SPTBN5: variants seen among roughly 807,000 people sequenced by gnomAD.
SPTBN5 encodes the protein spectrin beta, non-erythrocytic 5, also known as spectrin beta chain, non-erythrocytic 5.
In SPTBN5, 513 loss-of-function variants were observed where a neutral mutation model predicts 477.6. The ratio of observed to expected loss-of-function variants is 1.07; its 90% confidence interval spans 1.00 to 1.16. SPTBN5 has a LOEUF of 1.16. Ranked by LOEUF, SPTBN5 falls within the 50% of genes most tolerant of loss-of-function variation. The pLI, the probability that SPTBN5 is intolerant of heterozygous loss-of-function variation, is 0.00. For missense variants in SPTBN5, 5,062 were observed against 4,731.8 expected (o/e 1.07, Z -2.05); for synonymous variants, 2,169 against 2,011.7 (o/e 1.08, Z -2.09).
Position 41,848,365 on chromosome 15 carries a change from T to C in SPTBN5, c.*251A>G, listed in dbSNP as rs1033907138. On this transcript the variant is annotated 3_prime_UTR_variant, in exon 68 of 68. Coordinates refer to ENST00000320955, the MANE Select transcript of SPTBN5 (RefSeq NM_016642.4). ...TGGGGTAGCCCTGGCCTTGCCCACC[T>C]GCTCTGCCGTAACACGTCTCCTCTT... 4 of 581,968 alleles carry C rather than the reference T, an allele frequency of 6.9e-6. No homozygotes were observed. Among genetic ancestry groups the C allele is most frequent in the South Asian group, 2.0e-5 (1 of 50,328 alleles). 36.1% of individuals were successfully genotyped at this position (581,968 alleles called of 1,614,324 possible). A position where few individuals can be genotyped will look rare whatever the true frequency, so the allele number is the denominator to read the frequency against.
intron 26 of SPTBN5, among the ~76,000 whole-genome samples, chr15:41,872,815 G>GT (rs2066592827): frequency 6.6e-6 from 1 of 152,222 alleles, no homozygotes; most frequent in South Asian, 2.1e-4. Flanking sequence ...AAGCTGTCCA[G>GT]TATAGCCGGG....
intron 27 of SPTBN5, 48 bp from the exon 28 acceptor site, chr15:41,871,965 TG>T: frequency 6.8e-7 from 1 of 1,477,468 alleles, no homozygotes; most frequent in Non-Finnish European, 9.0e-7. Context: ...CCCACCCCCC[TG>T]GGGGCCAGTC....
rs1385846910 is a variant in SPTBN5, at chr15:41,851,144, C to A, written c.10750G>T (p.Ala3584Ser). 2 of 1,613,048 alleles carry A rather than the reference C, an allele frequency of 1.2e-6. No individual in the cohort carries two copies. The highest frequency in any genetic ancestry group is 2.2e-5 in the South Asian group (2 of 90,930). Residue 3584 changes from alanine (A) to serine (S), a missense_variant, in exon 65 of 68, where the codon GCT (alanine) becomes TCT (serine). Coordinates refer to ENST00000320955, the MANE Select transcript of SPTBN5 (RefSeq NM_016642.4). ...LDERMAAEKV[A>S]SIALLDLTGA... ...GTGAGGTCAAGGAGGGCTATGGAAG[C>A]TACTTTCTGAGGAGAGATGAGAGGC...
intron 43 of SPTBN5, 42 bp from the exon 44 acceptor site, chr15:41,862,334 C>A: frequency 6.4e-7 from 1 of 1,556,548 alleles, no homozygotes. Flanking sequence ...GCCTTCAAAC[C>A]CCTCTCCCCC....
rs61750839 is a variant in SPTBN5, at chr15:41,870,269, G to A, written c.5647C>T (p.Arg1883Ter). Residue 1883 changes from arginine (R) to a stop codon, truncating the protein, a stop_gained, in exon 31 of 68, where the codon CGA (arginine) becomes TGA (stop). Transcript: ENST00000320955. LOFTEE classifies it high-confidence loss of function. ...AQLRSHQGLE[R>*]ELVGTERQLQ... ...TGCCGCTCGGTGCCCACGAGTTCTCGCTCCAGCCCCTGGTGGCTTCTCAGC... is the reference window on the plus strand; with the variant it reads ...TGCCGCTCGGTGCCCACGAGTTCTCACTCCAGCCCCTGGTGGCTTCTCAGC... 55,217 of 1,551,764 alleles carry A rather than the reference G, an allele frequency of 0.036. 1,239 individuals are homozygous for A. The highest frequency in any genetic ancestry group is 0.039 in the Non-Finnish European group (44,614 of 1,147,928).
Position 41,878,612 on chromosome 15 carries a change from T to G in SPTBN5, c.3200A>C (p.Tyr1067Ser). ...SVVVKVEEPG[Y>S]AESQPLQGQV... ...TCCTTGCAGAGGCTGGCTCTCTGCGTAGCCTGGCTCCTCGACCCTGGGAGA... is the reference window on the plus strand; with the variant it reads ...TCCTTGCAGAGGCTGGCTCTCTGCGGAGCCTGGCTCCTCGACCCTGGGAGA... The change falls in exon 17 of 68, where the codon TAC becomes TCC. Residue 1067 changes from tyrosine to serine, a missense_variant. Tyr to Ser is a moderately radical substitution (Grantham distance 144). Coordinates refer to ENST00000320955, the MANE Select transcript of SPTBN5 (RefSeq NM_016642.4). 1 of 1,611,410 alleles carries G rather than the reference T, an allele frequency of 6.2e-7. No homozygotes were observed. Among genetic ancestry groups the G allele is most frequent in the Non-Finnish European group, 8.5e-7 (1 of 1,179,024 alleles).
In SPTBN5 at chr15:41,870,364, G is replaced by A. The variant is rs1247767155; in HGVS notation, c.5563-11C>T. On this transcript the variant is annotated splice_polypyrimidine_tract_variant and intron_variant, in intron 30 of 67. Transcript: ENST00000320955. ...GCTCGTGGCTTTCTCCTGAGGAAGG[G>A]AGAATGCCGAGGAGATGAGGGATGG... 10 of 1,586,048 alleles carry A rather than the reference G, an allele frequency of 6.3e-6. No individual in the cohort carries two copies. Among genetic ancestry groups the A allele is most frequent in the Non-Finnish European group, 8.6e-7 (1 of 1,166,386 alleles).
Position 41,856,559 on chromosome 15 carries a change from G to A in SPTBN5, c.8848C>T (p.Arg2950Trp), listed in dbSNP as rs575437194. The A allele has an allele frequency of 3.4e-5, 55 of 1,599,974 alleles. No individual in the cohort carries two copies. The Admixed American group carries it at 3.7e-4, about 11-fold the overall frequency. Residue 2950 changes from arginine (R) to tryptophan (W), a missense_variant, in exon 53 of 68, where the codon CGG (arginine) becomes TGG (tryptophan). Physicochemically the swap from Arg to Trp is moderately radical, Grantham distance 101 (BLOSUM62 -3). Coordinates refer to ENST00000320955, the MANE Select transcript of SPTBN5 (RefSeq NM_016642.4). Reference sequence around the variant, plus strand: ...TTGTACCCAGTGCCCAGCACCACCCGGGTCAGAGCCTCGTGGCTGCTCATC... The same window carrying A: ...TTGTACCCAGTGCCCAGCACCACCCAGGTCAGAGCCTCGTGGCTGCTCATC... Reference protein sequence around the residue: ...SEMSSHEALTRVVLGTGYKLV... With the variant: ...SEMSSHEALTWVVLGTGYKLV...
In SPTBN5 at chr15:41,882,019, G is replaced by A. The variant is rs1256011537; in HGVS notation, c.2374C>T (p.Arg792Cys). 21 of 1,539,980 alleles carry A rather than the reference G, an allele frequency of 1.4e-5. No individual in the cohort carries two copies. The highest frequency in any genetic ancestry group is 1.8e-5 in the Non-Finnish European group (21 of 1,153,134). ...TCGGCCGCGAAGGCGCGCAGGACGC[G>A]CTCCAGCCGCACGTGGCGCCTCAGC... is the stretch of plus-strand genomic sequence containing the variant. ...TLLRRHVRLE[R>C]VLRAFAAELR... Residue 792 changes from arginine (R) to cysteine (C), a missense_variant, in exon 12 of 68, where the codon CGC (arginine) becomes TGC (cysteine). By Grantham distance (180) the Arg-to-Cys change is radical (BLOSUM62 -3). Transcript: ENST00000320955.
At chr15:41,865,753 T>C (rs879117223) in intron 39 of SPTBN5, 55 bp downstream of exon 39, 7 of 1,453,144 alleles carry the variant, frequency 4.8e-6, no homozygotes, top group South Asian at 3.7e-5. Flanking sequence ...CTGCTCTCAG[T>C]TGGATTTTCA....
chr15:41,860,569 C>A lies in SPTBN5; in HGVS notation c.7988+17G>T. 7.1e-7 allele frequency: 1 copy of A among 1,404,958 alleles called. No homozygotes were observed. The allele number at this position is 1,404,958 out of a possible 1,614,324, so 87.0% of individuals were successfully genotyped here. On this transcript the variant is annotated intron_variant, in intron 47 of 67. Coordinates refer to ENST00000320955, the MANE Select transcript of SPTBN5 (RefSeq NM_016642.4). ...CCAGCCTGCCCACAGCACCCCTCACCCCAGAGCCACCACTACCTCAGAAGC... is the reference window on the plus strand; with the variant it reads ...CCAGCCTGCCCACAGCACCCCTCACACCAGAGCCACCACTACCTCAGAAGC...
At position 41,882,005 on chromosome 15, in the gene SPTBN5, G is replaced by A. The variant is rs1408780917; in HGVS notation, c.2388C>T (p.Ala796=). The A allele has an allele frequency of 6.5e-7, 1 of 1,537,520 alleles. No individual in the cohort carries two copies. The highest frequency in any genetic ancestry group is 1.2e-5 in the South Asian group (1 of 84,220). ...RHVRLERVLR[A]FAAELRRLEE... The stretch of plus-strand genomic sequence containing the variant: ...CCAGCCGCCGCAGCTCGGCCGCGAA[G>A]GCGCGCAGGACGCGCTCCAGCCGCA... Residue 796 remains alanine, a synonymous_variant, in exon 12 of 68, where the codon GCC becomes GCT. Coordinates refer to ENST00000320955, the MANE Select transcript of SPTBN5 (RefSeq NM_016642.4).
chr15:41,852,593 TC>T (rs776199013), intron 61 of SPTBN5, 40 bp downstream of exon 61: 564 of 1,582,210 alleles, frequency 3.6e-4, no homozygotes, highest in Non-Finnish European at 4.7e-4. Context: ...GAGGGACTGT[TC>T]CCCCACCAGC....
rs139805178 is a variant in SPTBN5 at position 41,848,584 on chromosome 15, C to A, written c.*32G>T. The A allele has an allele frequency of 5.1e-4, 820 of 1,613,718 alleles. 2 individuals carry two copies. In the East Asian group the frequency reaches 0.017, roughly 34 times the overall value. On this transcript the variant is annotated 3_prime_UTR_variant, in exon 68 of 68. Transcript: ENST00000320955. ...CCCTTAGATGTGTCCTCGCTTGTGC[C>A]CCTGAAGTTTGGTGTTGCACTGGGG...
chr15:41,862,679 T>A lies in SPTBN5; in HGVS notation c.7264-19A>T. ...CTAGGGACTGCGGGGGAAGCCGGGG[T>A]CAGAGGCTGGGGCAGGGGAGCTCTG... On this transcript the variant is annotated intron_variant, in intron 42 of 67. Coordinates refer to ENST00000320955, the MANE Select transcript of SPTBN5 (RefSeq NM_016642.4). 6.5e-7 allele frequency: 1 copy of A among 1,545,274 alleles called. No individual in the cohort carries two copies. Among genetic ancestry groups the A allele is most frequent in the Non-Finnish European group, 8.7e-7 (1 of 1,149,036 alleles).
intron 17 of SPTBN5, among the ~76,000 whole-genome samples, chr15:41,877,687 G>A (rs942206367): frequency 6.6e-6 from 1 of 152,264 alleles, no homozygotes; most frequent in African/African-American, 2.4e-5. Context: ...CAGAAAAGGT[G>A]CTCCTTTCAG....
chr15:41,893,214 G>A (rs1217326364), intron 2 of SPTBN5, 68 bp downstream of exon 2: 10 of 1,602,558 alleles, frequency 6.2e-6, no homozygotes, highest in Middle Eastern at 1.7e-4. Context: ...AGCTCACCCC[G>A]GAGGCCCACT....
chr15:41,865,550 G>A (rs1198898015), intron 39 of SPTBN5, among the ~76,000 whole-genome samples: 1 of 152,198 alleles, frequency 6.6e-6, no homozygotes, highest in African/African-American at 2.4e-5. Flanking sequence ...TGGGGGATAG[G>A]TCTATGCAGT....
chr15:41,851,834 G>T lies in SPTBN5; in HGVS notation c.10601C>A (p.Pro3534His). Residue 3534 changes from proline to histidine, a missense_variant, in exon 63 of 68, where the codon CCC becomes CAC. Coordinates refer to ENST00000320955, the MANE Select transcript of SPTBN5 (RefSeq NM_016642.4). ...TRDPQDAKGT[P>H]TMEGSLEFKQ... ...GAACTCCAAAGACCCCTCCATGGTG[G>T]GGGTACCCTTTGCATCCTGAAAATG... The T allele has an allele frequency of 6.2e-7, 1 of 1,610,442 alleles. No homozygotes were observed. The highest frequency in any genetic ancestry group is 8.5e-7 in the Non-Finnish European group (1 of 1,179,316).
Sources: allele counts gnomAD v4.1 joint callset (sites outside exome capture counted in the v4.1 genomes callset), GRCh38; gene constraint gnomAD v4.1.1; transcripts MANE v1.5; gene names NCBI Gene and HGNC (gene_info 2026-07-23, HGNC 2026-07-21).